Variants in TMEM178B observed in about 807,000 individuals in gnomAD.
The protein encoded by TMEM178B is transmembrane protein 178B.
Under a neutral mutation model 31.0 loss-of-function variants are expected in TMEM178B, and 5 were observed. The ratio of observed to expected loss-of-function variants is 0.16; its 90% CI spans 0.08 to 0.34. TMEM178B has a LOEUF of 0.34. Among genes scored for constraint, TMEM178B ranks in the 10% least tolerant of loss-of-function variants. The pLI is 1.00. For missense variants in TMEM178B, 275 were observed against 400.3 expected, an observed-to-expected ratio of 0.69 and a Z score of 2.67; for synonymous variants, 164 against 164.0, an observed-to-expected ratio of 1.00 and a Z score of 0.00.
chr7:141,203,817 C>T lies in TMEM178B; in HGVS notation c.383-8774C>T, dbSNP rs539332807. On this transcript the variant is annotated intron_variant, in intron 1 of 3. Transcript: ENST00000565468. ...AATACGGGAGCCTCTGGCATGTGGT[C>T]GGCATTGAATAGATTTTTGTTTGTT... Among the ~76,000 whole-genome samples, 11 of 152,144 alleles carry T rather than the reference C, an allele frequency of 7.2e-5. No homozygotes were observed. In the South Asian group the frequency reaches 1.3e-3, roughly 17 times the overall value.
In TMEM178B at chr7:141,215,337, A is replaced by T. The variant is rs10233763; in HGVS notation, c.496+2633A>T. ...CATCTTTATTATTATTATTATTATT[A>T]TTTTTTGAGATGGAGTCTCACTCTG... On this transcript the variant is annotated intron_variant, in intron 2 of 3. Coordinates refer to ENST00000565468, the MANE Select transcript of TMEM178B (RefSeq NM_001195278.2). Among the ~76,000 whole-genome samples, 564 of 141,536 alleles carry T rather than the reference A, an allele frequency of 4.0e-3. 3 individuals are homozygous for T. The highest frequency in any genetic ancestry group is 0.013 in the East Asian group (64 of 4,816). 92.9% of individuals were successfully genotyped at this position (141,536 alleles called of 152,430 possible). A position where few individuals can be genotyped will look rare whatever the true frequency, so the allele number is the denominator to read the frequency against.
intron 2 of TMEM178B, among the ~76,000 whole-genome samples, chr7:141,239,726 A>G (rs1797589988): frequency 6.6e-6 from 1 of 152,190 alleles, no homozygotes; most frequent in Admixed American, 6.5e-5. Context: ...GTGGTTTCCA[A>G]CAGGACAGCC....
At chr7:141,178,203 C>T (rs10232041) in intron 1 of TMEM178B, among the ~76,000 whole-genome samples, 1,891 of 152,224 alleles carry the variant, frequency 0.012, 43 homozygotes, top group African/African-American at 0.043. Context: ...ACTTATGAAG[C>T]TTAGTTTGGC....
At chr7:141,391,023 G>A (rs1800525834) in intron 2 of TMEM178B, among the ~76,000 whole-genome samples, 2 of 152,160 alleles carry the variant, frequency 1.3e-5, no homozygotes, top group Non-Finnish European at 2.9e-5. Context: ...TTTGACAGAT[G>A]GGAAAGGAAG....
In TMEM178B at chr7:141,453,968, T is replaced by C. The variant is rs952615204; in HGVS notation, c.634+16223T>C. ...TTTACATAAAGTTAAAATCTAAATC[T>C]AGTATGATATTTGACCCTCCAATTT... On this transcript the variant is annotated intron_variant, in intron 3 of 3. Coordinates refer to ENST00000565468, the MANE Select transcript of TMEM178B (RefSeq NM_001195278.2). 2.6e-5 allele frequency among the ~76,000 whole-genome samples: 4 copies of C among 151,676 alleles called. 1 individual carries two copies. The highest frequency in any genetic ancestry group is 9.7e-5 in the African/African-American group (4 of 41,294).
intron 1 of TMEM178B, among the ~76,000 whole-genome samples, chr7:141,111,419 C>G (rs533239239): frequency 6.6e-6 from 1 of 152,304 alleles, no homozygotes; most frequent in Admixed American, 6.5e-5. Context: ...CCATATGAGG[C>G]AGCCTGAGCC....
intron 2 of TMEM178B, among the ~76,000 whole-genome samples, chr7:141,233,837 A>G (rs1310883931): frequency 2.0e-5 from 3 of 152,212 alleles, no homozygotes; most frequent in Admixed American, 6.5e-5. Flanking sequence ...CACATGAAAT[A>G]TTTCCCAGGG....
At chr7:141,137,521 G>C (rs1795695602) in intron 1 of TMEM178B, among the ~76,000 whole-genome samples, 1 of 152,296 alleles carries the variant, frequency 6.6e-6, no homozygotes, top group East Asian at 1.9e-4. Flanking sequence ...ATCTGATGGA[G>C]GTTGAGAATA....
At chr7:141,343,694 C>T (rs1434266427) in intron 2 of TMEM178B, among the ~76,000 whole-genome samples, 4 of 151,944 alleles carry the variant, frequency 2.6e-5, no homozygotes, top group African/African-American at 4.8e-5. Flanking sequence ...GGACTACAGG[C>T]GCCCGCCACC....
intron 1 of TMEM178B, among the ~76,000 whole-genome samples, chr7:141,160,481 C>G (rs974108198): frequency 2.0e-5 from 3 of 152,198 alleles, no homozygotes; most frequent in African/African-American, 4.8e-5. Context: ...GCCACATCCC[C>G]ACCTATCTTG....
At chr7:141,139,772 T>C (rs1322518035) in intron 1 of TMEM178B, among the ~76,000 whole-genome samples, 1 of 152,108 alleles carries the variant, frequency 6.6e-6, no homozygotes, top group Non-Finnish European at 1.5e-5. Flanking sequence ...TGAAGTTTTT[T>C]TTTTTTTTGA....
chr7:141,232,451 C>T (rs1797463134), intron 2 of TMEM178B, among the ~76,000 whole-genome samples: 1 of 152,148 alleles, frequency 6.6e-6, no homozygotes, highest in African/African-American at 2.4e-5. Context: ...TCCTTTTTCT[C>T]TGCAACCTTG....
chr7:141,224,253 T>C (rs6968082), intron 2 of TMEM178B, among the ~76,000 whole-genome samples: 62,451 of 152,012 alleles, frequency 0.41, 13,085 homozygotes, highest in East Asian at 0.68. Flanking sequence ...GTTATGTTTC[T>C]ATCAGCAGAG....
At chr7:141,498,185 T>A in the TMEM178B span, among the ~76,000 whole-genome samples, 1 of 152,230 alleles carries the variant, frequency 6.6e-6, no homozygotes, top group Admixed American at 6.5e-5. Flanking sequence ...TTAATCTCAT[T>A]ATGTTTGACA....
chr7:141,509,823 G>A, the TMEM178B span, among the ~76,000 whole-genome samples: 1 of 152,176 alleles, frequency 6.6e-6, no homozygotes, highest in Non-Finnish European at 1.5e-5. Context: ...CGGAAACACT[G>A]TTGGTTTCCT....
At chr7:141,110,428 C>G (rs1374423604) in intron 1 of TMEM178B, among the ~76,000 whole-genome samples, 1 of 152,168 alleles carries the variant, frequency 6.6e-6, no homozygotes, top group Non-Finnish European at 1.5e-5. Context: ...ACCTGAAGCA[C>G]CACATTAATG....
At chr7:141,335,679 A>C (rs1799373330) in intron 2 of TMEM178B, among the ~76,000 whole-genome samples, 1 of 151,988 alleles carries the variant, frequency 6.6e-6, no homozygotes, top group South Asian at 2.1e-4. Context: ...CCATTAGCGC[A>C]ATTTGATGGG....
downstream of TMEM178B, among the ~76,000 whole-genome samples, chr7:141,482,170 C>T (rs1802486630): frequency 6.6e-6 from 1 of 152,220 alleles, no homozygotes; most frequent in Non-Finnish European, 1.5e-5. Flanking sequence ...CTCACCTTAG[C>T]TTCAGAGCTT....
intron 2 of TMEM178B, among the ~76,000 whole-genome samples, chr7:141,284,199 C>T (rs217007): frequency 0.11 from 16,333 of 152,222 alleles, 1,332 homozygotes; most frequent in African/African-American, 0.23. Context: ...ACATGCCACG[C>T]GATTCGGGAG....
Sources: allele counts gnomAD v4.1 joint callset (sites outside exome capture counted in the v4.1 genomes callset), GRCh38; gene constraint gnomAD v4.1.1; transcripts MANE v1.5; gene names NCBI Gene and HGNC (gene_info 2026-07-23, HGNC 2026-07-21).